The following SLC9A7 variants were observed in gnomAD, a reference collection of about 807,000 sequenced individuals.
SLC9A7 encodes sodium/hydrogen exchanger 7.
SLC9A7 carries 19 observed loss-of-function variants against 52.6 expected under a neutral mutation model. That is an observed-to-expected ratio of 0.36 (90% CI 0.25 to 0.53). The LOEUF is 0.53. SLC9A7 is among the 20% of genes least tolerant of loss of function. The pLI, the probability that SLC9A7 is intolerant of heterozygous loss-of-function variation, is 0.91. For missense variants in SLC9A7, 455 were observed against 597.9 expected (o/e 0.76, Z 2.49); for synonymous variants, 226 against 252.1 (o/e 0.90, Z 0.98).
intron 7 of SLC9A7, among the ~76,000 whole-genome samples, chrX:46,656,126 C>T (rs1166102732): frequency 3.8e-5 from 4 of 104,842 alleles, no homozygotes; most frequent in Non-Finnish European, 5.9e-5. Context: ...ACACCTCACA[C>T]GGCCGGTTAC....
At chrX:46,721,804 G>A (rs1944865190) in intron 1 of SLC9A7, among the ~76,000 whole-genome samples, 1 of 111,995 alleles carries the variant, frequency 8.9e-6, no homozygotes, top group African/African-American at 3.2e-5. Flanking sequence ...AGGTAGGGAG[G>A]GGTAGCCCAT....
intron 14 of SLC9A7, among the ~76,000 whole-genome samples, chrX:46,625,537 C>T (rs781534504): frequency 2.0e-4 from 22 of 109,965 alleles, no homozygotes; most frequent in African/African-American, 6.0e-4. Context: ...TGGCGAAACC[C>T]GGTCTCTACT....
intron 15 of SLC9A7, among the ~76,000 whole-genome samples, chrX:46,619,410 C>CA (rs954589683): frequency 8.2e-5 from 9 of 109,612 alleles, no homozygotes; most frequent in East Asian, 2.8e-4. Context: ...GGTAGATTAC[C>CA]AAAAAAAATA....
rs1307136990 is a variant in SLC9A7, at chrX:46,631,627, C to T, written c.1699G>A (p.Asp567Asn). Residue 567 changes from aspartate (D) to asparagine (N), a missense_variant, in exon 14 of 17, where the codon GAC becomes AAC. Around this residue, in one of 3 missense-constraint regions of SLC9A7, gnomAD observed 146 missense variants for 160.5 expected, o/e 0.91. Coordinates refer to ENST00000616978, the MANE Select transcript of SLC9A7 (RefSeq NM_001257291.2). ...AAGCTGTCGTTGTTGGGTGGTGGGT[C>T]TTGATCGGGGTCAACACCAACTCTG... ...YFRVGVDPDQ[D>N]PPPNNDSFQV... is the part of the protein sequence containing the mutation. 5 of 1,209,506 alleles carry T rather than the reference C, an allele frequency of 4.1e-6. No individual in the cohort carries two copies. The highest frequency in any genetic ancestry group is 5.6e-6 in the Non-Finnish European group (5 of 893,872).
chrX:46,653,543 C>A, intron 8 of SLC9A7, 66 bp downstream of exon 8: 1 of 745,584 alleles, frequency 1.3e-6, no homozygotes. Flanking sequence ...TTCTTCCCTT[C>A]CTTCAAGTTC....
intron 8 of SLC9A7, among the ~76,000 whole-genome samples, chrX:46,652,299 C>T (rs765164379): frequency 9.0e-6 from 1 of 111,073 alleles, no homozygotes; most frequent in African/African-American, 3.3e-5. Context: ...TACAGATGCA[C>T]ACCACCACAC....
chrX:46,627,900 A>G (rs904958272), intron 14 of SLC9A7, among the ~76,000 whole-genome samples: 2 of 111,090 alleles, frequency 1.8e-5, no homozygotes, highest in Admixed American at 1.9e-4. Context: ...AAACAAAAAC[A>G]AACAAAAAAA....
At chrX:46,630,803 G>A (rs999386759) in intron 14 of SLC9A7, among the ~76,000 whole-genome samples, 4 of 112,430 alleles carry the variant, frequency 3.6e-5, no homozygotes, top group Non-Finnish European at 7.5e-5. Context: ...AGAAAGCCAC[G>A]GAAGTGATGC....
intron 1 of SLC9A7, among the ~76,000 whole-genome samples, chrX:46,736,355 T>C (rs1450298212): frequency 8.9e-6 from 1 of 111,815 alleles, no homozygotes; most frequent in South Asian, 3.7e-4. Context: ...ACTTTTTCCA[T>C]TAGAGCTTCA....
chrX:46,707,868 T>C (rs182925717), intron 1 of SLC9A7, among the ~76,000 whole-genome samples: 3 of 112,287 alleles, frequency 2.7e-5, no homozygotes, highest in African/African-American at 6.5e-5. Flanking sequence ...GCCTCCCAAG[T>C]AGCTGGGACT....
At chrX:46,666,199 T>C (rs1005213989) in intron 5 of SLC9A7, among the ~76,000 whole-genome samples, 2 of 111,958 alleles carry the variant, frequency 1.8e-5, no homozygotes, top group African/African-American at 6.5e-5. Flanking sequence ...CTCAAACTCC[T>C]GGGCTCAAGC....
rs774748269 is a variant in SLC9A7, at chrX:46,621,032, G to A, written c.1768C>T (p.Arg590Trp). The A allele has an allele frequency of 8.5e-5, 102 of 1,203,584 alleles. 1 individual carries two copies. The highest frequency in any genetic ancestry group is 4.6e-4 in the Middle Eastern group (2 of 4,337). The stretch of plus-strand genomic sequence containing the variant: ...ATCCATGCGCTCTCCTGTTTTGTCC[G>A]GTTTCCTCTGGCAGAATCTGGGCCG... ...GDGPDSARGNRTKQESAWIFR... is the reference protein window; with the variant it reads ...GDGPDSARGNWTKQESAWIFR... Residue 590 changes from arginine (R) to tryptophan (W), a missense_variant, in exon 15 of 17, where the codon CGG (arginine) becomes TGG (tryptophan). Coordinates refer to ENST00000616978, the MANE Select transcript of SLC9A7 (RefSeq NM_001257291.2).
At chrX:46,662,695 T>C (rs765189887) in intron 5 of SLC9A7, 52 bp from the exon 6 acceptor site, 11 of 940,474 alleles carry the variant, frequency 1.2e-5, no homozygotes, top group Non-Finnish European at 1.7e-5. Context: ...TGACCTTAAA[T>C]CACTGATTAC....
In SLC9A7 at chrX:46,679,741, T is replaced by C. The variant is rs1944180102; in HGVS notation, c.540A>G (p.Pro180=). The C allele has an allele frequency of 8.4e-7, 1 of 1,189,149 alleles. No individual in the cohort carries two copies. Among genetic ancestry groups the C allele is most frequent in the African/African-American group, 1.8e-5 (1 of 56,935 alleles). Residue 180 remains proline (P), a synonymous_variant, in exon 3 of 17, where the codon CCA becomes CCG. Transcript: ENST00000616978. ...GCAGAAGAATGTTGAAAAATACTTC[T>C]GGATCGAATGTTACCTGAAAGTTTA... ...NDMLRKVTFD[P]EVFFNILLPP... is the part of the protein sequence containing the mutation.
intron 1 of SLC9A7, among the ~76,000 whole-genome samples, chrX:46,738,465 A>C (rs1921050861): frequency 8.9e-6 from 1 of 112,085 alleles, no homozygotes; most frequent in South Asian, 3.7e-4. Flanking sequence ...TTGAAGAAAC[A>C]TTACTATAAA....
chrX:46,739,653 T>A (rs1368255327), intron 1 of SLC9A7, among the ~76,000 whole-genome samples: 1 of 111,682 alleles, frequency 9.0e-6, no homozygotes, highest in African/African-American at 3.3e-5. Flanking sequence ...CATCTTTAGC[T>A]TGCTTCAACA....
At chrX:46,723,470 A>G (rs541185603) in intron 1 of SLC9A7, among the ~76,000 whole-genome samples, 6 of 110,110 alleles carry the variant, frequency 5.4e-5, no homozygotes, top group Non-Finnish European at 1.1e-4. Flanking sequence ...TCACTCTCCT[A>G]TGGAAAGGCA....
intron 7 of SLC9A7, 112 bp from the exon 8 acceptor site, chrX:46,653,826 T>A: frequency 1.6e-5 from 2 of 121,427 alleles, no homozygotes; most frequent in Non-Finnish European, 3.1e-5. Flanking sequence ...CCCTTCAACC[T>A]TTTTTTTTTT....
intron 1 of SLC9A7, among the ~76,000 whole-genome samples, chrX:46,734,966 G>A (rs915581540): frequency 1.1e-4 from 12 of 111,529 alleles, no homozygotes; most frequent in East Asian, 2.8e-4. Flanking sequence ...AAATGAAACC[G>A]CACAGTGGCT....
Sources: gnomAD v4.1 joint callset for allele counts (sites outside exome capture counted in the v4.1 genomes callset) on GRCh38, gnomAD v4.1.1 for gene constraint, gnomAD v4.1.1 regional missense constraint, MANE v1.5 for transcripts, NCBI Gene and HGNC (gene_info 2026-07-23, HGNC 2026-07-21) for gene names.